The following CEP112 variants were observed in gnomAD, a reference collection of about 807,000 sequenced individuals.
The protein encoded by CEP112 is centrosomal protein of 112 kDa.
A neutral mutation model predicts 153.0 loss-of-function variants in CEP112; 127 were observed. The ratio of observed to expected loss-of-function variants is 0.83; its 90% confidence interval spans 0.72 to 0.96. The LOEUF is 0.96. CEP112 is among the 40% of genes least tolerant of loss of function. CEP112 has a pLI of 0.00. For missense variants in CEP112, 1,089 were observed against 1,101.2 expected, an observed-to-expected ratio of 0.99 and a Z score of 0.16; for synonymous variants, 358 against 374.4, an observed-to-expected ratio of 0.96 and a Z score of 0.51.
At chr17:66,128,658 A>ATGT (rs1288634526) in intron 6 of CEP112, among the ~76,000 whole-genome samples, 6 of 152,222 alleles carry the variant, frequency 3.9e-5, no homozygotes. Flanking sequence ...ATATGTATAA[A>ATGT]AAGATTCTTA....
chr17:66,069,335 T>C (rs2067228581), intron 9 of CEP112, among the ~76,000 whole-genome samples: 1 of 151,956 alleles, frequency 6.6e-6, no homozygotes, highest in African/African-American at 2.4e-5. Flanking sequence ...AAATCCCATA[T>C]AGGATAACCA....
chr17:65,689,055 A>C (rs1029569068), intron 24 of CEP112, 74 bp downstream of exon 24: 1 of 1,078,008 alleles, frequency 9.3e-7, no homozygotes, highest in African/African-American at 1.6e-5. Flanking sequence ...GGTGTGAGCC[A>C]CTGCACCTGG....
intron 19 of CEP112, among the ~76,000 whole-genome samples, chr17:65,918,044 G>A (rs1055902670): frequency 6.6e-6 from 1 of 151,970 alleles, no homozygotes; most frequent in Non-Finnish European, 1.5e-5. Flanking sequence ...GCCAGGCGTG[G>A]TGGCGTGTGC....
intron 21 of CEP112, among the ~76,000 whole-genome samples, chr17:65,812,553 C>A (rs1479436658): frequency 6.6e-6 from 1 of 152,178 alleles, no homozygotes; most frequent in Non-Finnish European, 1.5e-5. Flanking sequence ...CTGAAGCAAT[C>A]CAACAAGTCA....
At chr17:65,977,173 A>G (rs1379344573) in intron 17 of CEP112, among the ~76,000 whole-genome samples, 2 of 152,216 alleles carry the variant, frequency 1.3e-5, no homozygotes, top group Non-Finnish European at 2.9e-5. Context: ...TCTGCTATGC[A>G]TGGTTGCGTT....
intron 17 of CEP112, among the ~76,000 whole-genome samples, chr17:65,995,397 A>G (rs2063748126): frequency 6.6e-6 from 1 of 152,212 alleles, no homozygotes; most frequent in African/African-American, 2.4e-5. Context: ...TCTTTGATAT[A>G]GGTGGGAAAA....
intron 19 of CEP112, chr17:65,913,531 C>T: frequency 1.0e-6 from 1 of 985,336 alleles, no homozygotes; most frequent in Non-Finnish European, 1.2e-6. Flanking sequence ...TAGAATGTGT[C>T]ATTTGGGGAT....
At position 65,752,042 on chromosome 17, in the gene CEP112, C is replaced by T. The variant is rs10590310; in HGVS notation, c.2395-1318G>A. Among the ~76,000 whole-genome samples, 22 of 34,564 alleles carry T rather than the reference C, an allele frequency of 6.4e-4. No individual in the cohort carries two copies. In the East Asian group the frequency reaches 0.035, roughly 55 times the overall value. The allele number at this position is 34,564 out of a possible 152,430, so 22.7% of individuals were successfully genotyped here. ...TCCATCCATCCATCCATCCATCCAT[C>T]CATCCATCCATCCATCCATCCATCA... is the stretch of plus-strand genomic sequence containing the variant. On this transcript the variant is annotated intron_variant, in intron 21 of 26. Transcript: ENST00000535342.
intron 12 of CEP112, among the ~76,000 whole-genome samples, chr17:66,035,438 C>G (rs1475460214): frequency 6.6e-6 from 1 of 152,054 alleles, no homozygotes; most frequent in Admixed American, 6.6e-5. Flanking sequence ...CAGGTTCCAA[C>G]AGAAAACAAC....
At chr17:65,901,966 C>A (rs1389727601) in intron 20 of CEP112, among the ~76,000 whole-genome samples, 186 bp downstream of exon 20, 1 of 103,934 alleles carries the variant, frequency 9.6e-6, no homozygotes, top group Non-Finnish European at 1.7e-5. Flanking sequence ...GTAGTTAAGG[C>A]TTTATTCATC....
At chr17:65,961,009 TAA>T (rs34186038) in intron 18 of CEP112, among the ~76,000 whole-genome samples, 1 of 146,488 alleles carries the variant, frequency 6.8e-6, no homozygotes. Context: ...CTTTAAAAAC[TAA>T]AAAAAAAAAA....
chr17:65,862,504 T>C (rs569666228), intron 20 of CEP112, among the ~76,000 whole-genome samples: 80 of 152,152 alleles, frequency 5.3e-4, no homozygotes, highest in African/African-American at 1.9e-3. Flanking sequence ...AGGAGAATGG[T>C]GTGAACCCAG....
chr17:65,830,687 C>T (rs2057038101), intron 21 of CEP112, among the ~76,000 whole-genome samples: 2 of 152,314 alleles, frequency 1.3e-5, no homozygotes, highest in South Asian at 4.1e-4. Flanking sequence ...GATTTTTCCA[C>T]AAACCCCAAC....
At chr17:65,967,990 TA>T (rs1303145290) in intron 17 of CEP112, among the ~76,000 whole-genome samples, 1 of 152,200 alleles carries the variant, frequency 6.6e-6, no homozygotes. Flanking sequence ...TATGTCCCTA[TA>T]TTTAACAAAT....
At chr17:65,650,986 C>G (rs2045742089) in intron 24 of CEP112, among the ~76,000 whole-genome samples, 1 of 151,732 alleles carries the variant, frequency 6.6e-6, no homozygotes, top group Admixed American at 6.6e-5. Flanking sequence ...TATTTGGTTA[C>G]ATGGGTAAGT....
At chr17:66,128,511 G>T (rs1238792154) in intron 6 of CEP112, among the ~76,000 whole-genome samples, 2 of 152,142 alleles carry the variant, frequency 1.3e-5, no homozygotes, top group Non-Finnish European at 2.9e-5. Flanking sequence ...CCTAATGTCA[G>T]TGAATAGGTG....
chr17:65,980,535 T>C (rs1033529095), intron 17 of CEP112, among the ~76,000 whole-genome samples: 5 of 152,300 alleles, frequency 3.3e-5, no homozygotes, highest in South Asian at 2.1e-4. Context: ...CCTTGGAACA[T>C]GTTATTCCTT....
chr17:66,132,629 A>T, intron 5 of CEP112, 41 bp downstream of exon 5: 2 of 1,404,922 alleles, frequency 1.4e-6, no homozygotes, highest in Non-Finnish European at 2.0e-6. Flanking sequence ...CTATTTTAAA[A>T]CAACAAGCAA....
chr17:65,668,452 A>G (rs915956207), intron 24 of CEP112, among the ~76,000 whole-genome samples: 86 of 152,200 alleles, frequency 5.7e-4, no homozygotes, highest in African/African-American at 2.0e-3. Flanking sequence ...GTATTTCTGC[A>G]TTTTTCTTTT....
Sources: gnomAD v4.1 joint callset for allele counts (sites outside exome capture counted in the v4.1 genomes callset) on GRCh38, gnomAD v4.1.1 for gene constraint, MANE v1.5 for transcripts, NCBI Gene and HGNC (gene_info 2026-07-23, HGNC 2026-07-21) for gene names.